Variants in ZNF710 observed in about 807,000 individuals in gnomAD.
ZNF710 encodes the protein zinc finger protein 710.
A neutral mutation model predicts 50.6 loss-of-function variants in ZNF710; 13 were observed. The observed-to-expected ratio is 0.26, with a 90% CI of 0.17 to 0.41. The LOEUF (loss-of-function observed/expected upper bound fraction) is 0.41, where lower values mean the gene tolerates loss of function less well. Among genes scored for constraint, ZNF710 ranks in the 10% least tolerant of loss-of-function variants. The pLI is 1.00. For synonymous variants in ZNF710, 383 were observed against 397.0 expected (o/e 0.96, Z 0.42); for missense variants, 721 against 936.6 (o/e 0.77, Z 3.01).
rs781164377 is a variant in ZNF710, at chr15:90,067,129, CG to C, written c.-8del. 39 of 1,582,474 alleles carry C rather than the reference CG, an allele frequency of 2.5e-5. 2 individuals carry two copies. The South Asian group carries it at 4.1e-4, about 17-fold the overall frequency. Reference sequence around the variant, plus strand: ...CCACAGCGATGCCCTCCTAGCTAGCCGTCACGGGATGGAGGGCTTCATGGAC... The same window carrying C: ...CCACAGCGATGCCCTCCTAGCTAGCCTCACGGGATGGAGGGCTTCATGGAC... On this transcript the variant is annotated 5_prime_UTR_variant, in exon 2 of 5. Transcript: ENST00000268154. The surrounding 1 kb of genome is among the most constrained non-coding windows in gnomAD (Gnocchi z 8.1).
chr15:90,018,766 C>G (rs922142432), intron 1 of ZNF710, among the ~76,000 whole-genome samples: 2 of 152,186 alleles, frequency 1.3e-5, no homozygotes, highest in Non-Finnish European at 2.9e-5. Context: ...GCTGGTGGCT[C>G]TCAGTCTTCC....
intron 1 of ZNF710, among the ~76,000 whole-genome samples, chr15:90,039,427 T>G (rs1194778497): frequency 3.3e-5 from 5 of 152,208 alleles, no homozygotes; most frequent in Admixed American, 6.5e-5. Context: ...GTGGACCAGA[T>G]CCCTGCCTTG....
chr15:90,052,146 C>T (rs1596289784), intron 1 of ZNF710, among the ~76,000 whole-genome samples: 1 of 152,142 alleles, frequency 6.6e-6, no homozygotes, highest in East Asian at 1.9e-4. Flanking sequence ...TGGCCCCTCC[C>T]TGGCCTGATC....
At chr15:90,047,838 C>T (rs929524524) in intron 1 of ZNF710, among the ~76,000 whole-genome samples, 5 of 152,100 alleles carry the variant, frequency 3.3e-5, no homozygotes, top group African/African-American at 1.2e-4. Context: ...CCACCCATTT[C>T]GGCCTCCCAA....
chr15:90,053,084 C>T lies in ZNF710; in HGVS notation c.-28-14026C>T, dbSNP rs142253762. On this transcript the variant is annotated intron_variant, in intron 1 of 4. Coordinates refer to ENST00000268154, the MANE Select transcript of ZNF710 (RefSeq NM_198526.4). ...GCAACCTTTCATTCTGCCTTAAACTCGGGGCACAGACACATGGGTGGGAAA... is the reference window on the plus strand; with the variant it reads ...GCAACCTTTCATTCTGCCTTAAACTTGGGGCACAGACACATGGGTGGGAAA... Among the ~76,000 whole-genome samples, 227 of 152,342 alleles carry T rather than the reference C, an allele frequency of 1.5e-3. 2 individuals are homozygous for T. Among genetic ancestry groups the T allele is most frequent in the African/African-American group, 5.2e-3 (218 of 41,580 alleles).
intron 1 of ZNF710, among the ~76,000 whole-genome samples, chr15:90,045,895 C>A (rs1312899992): frequency 1.3e-5 from 2 of 152,168 alleles, no homozygotes; most frequent in Non-Finnish European, 2.9e-5. Flanking sequence ...TACCGCATGT[C>A]TCGGCACATT....
At chr15:90,071,679 C>CTT (rs762551098) in intron 2 of ZNF710, among the ~76,000 whole-genome samples, 3 of 95,186 alleles carry the variant, frequency 3.2e-5, no homozygotes, top group Admixed American at 1.2e-4. Flanking sequence ...TATTTTTACT[C>CTT]TTTTTTTTTT....
At position 90,040,522 on chromosome 15, in the gene ZNF710, G is replaced by T. The variant is rs894777719; in HGVS notation, c.-28-26588G>T. Among the ~76,000 whole-genome samples the T allele has an allele frequency of 6.6e-6, 1 of 152,136 alleles. No individual in the cohort carries two copies. The highest frequency in any genetic ancestry group is 1.5e-5 in the Non-Finnish European group (1 of 68,024). ...AGCACAGTGCCCCTTCTGTTTCTTG[G>T]CTTAATGCTCCGGGAGTTCACAGTG... is the stretch of plus-strand genomic sequence containing the variant. On this transcript the variant is annotated intron_variant, in intron 1 of 4. Coordinates refer to ENST00000268154, the MANE Select transcript of ZNF710 (RefSeq NM_198526.4). This position sits in a 1 kb window ranked among gnomAD's most constrained non-coding sequence, Gnocchi z 4.6.
At position 90,074,299 on chromosome 15, in the gene ZNF710, G is replaced by A. The variant is rs1900510831; in HGVS notation, c.1825+9G>A. ...CGGCCTGGACAGCCAAGGTGGGTGG[G>A]CCAAGCGCAATGGACAGAGCAGGAA... On this transcript the variant is annotated intron_variant, in intron 4 of 4. Transcript: ENST00000268154. 3 of 1,611,924 alleles carry A rather than the reference G, an allele frequency of 1.9e-6. No homozygotes were observed. In the Admixed American group the frequency reaches 5.0e-5, roughly 27 times the overall value.
intron 2 of ZNF710, among the ~76,000 whole-genome samples, chr15:90,071,996 G>T (rs1053960620): frequency 1.3e-5 from 2 of 151,442 alleles, no homozygotes; most frequent in Non-Finnish European, 2.9e-5. Flanking sequence ...TAGAGATAGG[G>T]TCTTGCTATG....
Position 90,001,411 on chromosome 15 carries a change from C to A in ZNF710, c.-232C>A, listed in dbSNP as rs749744518. The A allele has an allele frequency of 4.6e-5, 7 of 151,472 alleles. No individual in the cohort carries two copies. The highest frequency in any genetic ancestry group is 2.0e-4 in the East Asian group (1 of 5,056). The allele number at this position is 151,472 out of a possible 1,614,324, so 9.4% of individuals were successfully genotyped here. On this transcript the variant is annotated 5_prime_UTR_variant, in exon 1 of 5. Transcript: ENST00000268154. ...CCTTCTTCCAGGGAGGGAGAGAGCG[C>A]GAGCGAGAGAGCGAGCGAGAGGAGG...
At chr15:90,010,483 A>T (rs549451028) in intron 1 of ZNF710, among the ~76,000 whole-genome samples, 1 of 151,876 alleles carries the variant, frequency 6.6e-6, no homozygotes, top group South Asian at 2.1e-4. Context: ...TTTTGTAGAG[A>T]TGGGGTTTTT....
intron 1 of ZNF710, among the ~76,000 whole-genome samples, chr15:90,023,056 A>AGAATT (rs1898669510): frequency 6.6e-6 from 1 of 152,192 alleles, no homozygotes; most frequent in Non-Finnish European, 1.5e-5. Flanking sequence ...GAATTCAGTG[A>AGAATT]CCCACTGAGA....
chr15:90,068,461 A>G lies in ZNF710; in HGVS notation c.1324A>G (p.Lys442Glu). ...PTLYQCLECDKSFHYRSQLQN... is the reference protein window; with the variant it reads ...PTLYQCLECDESFHYRSQLQN... ...CCTCTACCAGTGCCTCGAGTGTGAC[A>G]AGTCCTTCCACTACCGCAGCCAGTT... Residue 442 changes from lysine to glutamate, a missense_variant, in exon 2 of 5, where the codon AAG becomes GAG. By Grantham distance (56) the Lys-to-Glu change is moderately conservative. This residue lies in a region of ZNF710 where 326 missense variants were observed against 522.0 expected (regional missense o/e 0.62). Transcript: ENST00000268154. This position sits in a 1 kb window ranked among gnomAD's most constrained non-coding sequence, Gnocchi z 5.0. The G allele has an allele frequency of 1.2e-6, 2 of 1,614,132 alleles. No individual in the cohort carries two copies. Among genetic ancestry groups the G allele is most frequent in the Non-Finnish European group, 1.7e-6 (2 of 1,180,034 alleles).
chr15:90,079,565 C>T, intron 4 of ZNF710, 95 bp from the exon 5 acceptor site: 1 of 1,473,970 alleles, frequency 6.8e-7, no homozygotes, highest in Non-Finnish European at 9.2e-7. Flanking sequence ...GACTGGGAAG[C>T]CCTCTCTTTA....
intron 1 of ZNF710, chr15:90,045,373 T>G: frequency 4.1e-6 from 4 of 985,278 alleles, no homozygotes; most frequent in Non-Finnish European, 4.8e-6. Context: ...CATGGAGAGG[T>G]TAGACAGTGA....
At chr15:90,053,759 C>T (rs1451087410) in intron 1 of ZNF710, among the ~76,000 whole-genome samples, 1 of 152,154 alleles carries the variant, frequency 6.6e-6, no homozygotes, top group Admixed American at 6.5e-5. Flanking sequence ...ACCCTGACCT[C>T]AGAGAAGCAG....
intron 1 of ZNF710, among the ~76,000 whole-genome samples, chr15:90,004,805 C>G (rs556405982): frequency 6.6e-6 from 1 of 152,320 alleles, no homozygotes; most frequent in Non-Finnish European, 1.5e-5. Flanking sequence ...GCGCTCACGC[C>G]GCACACGAGT....
At position 90,068,924 on chromosome 15, in the gene ZNF710, C is replaced by T. The variant is rs979726929; in HGVS notation, c.1458+329C>T. 4.6e-5 allele frequency among the ~76,000 whole-genome samples: 7 copies of T among 151,524 alleles called. No homozygotes were observed. Among genetic ancestry groups the T allele is most frequent in the African/African-American group, 7.3e-5 (3 of 41,186 alleles). ...CCTGGGCAAAATAATGAGACCCCAT[C>T]GCTACAAAAAAATTTAAACATGGCT... On this transcript the variant is annotated intron_variant, in intron 2 of 4. Transcript: ENST00000268154. This position sits in a 1 kb window ranked among gnomAD's most constrained non-coding sequence, Gnocchi z 5.0.
Sources: allele counts gnomAD v4.1 joint callset (sites outside exome capture counted in the v4.1 genomes callset), GRCh38; gene constraint gnomAD v4.1.1; regional missense constraint gnomAD v4.1.1; non-coding constraint Gnocchi (gnomAD v3.1); transcripts MANE v1.5; gene names NCBI Gene and HGNC (gene_info 2026-07-23, HGNC 2026-07-21).